Variants in SLC24A2 observed in about 807,000 individuals in gnomAD.
SLC24A2 encodes sodium/potassium/calcium exchanger 2.
SLC24A2 carries 36 observed loss-of-function variants against 62.0 expected under a neutral mutation model. That is an observed-to-expected ratio of 0.58 (90% confidence interval 0.44 to 0.77). The LOEUF is 0.77. SLC24A2 is among the 30% of genes least tolerant of loss of function. The probability of loss-of-function intolerance (pLI) is 0.00; values close to 1 mark genes in which losing one functional copy is unlikely to be tolerated. For synonymous variants in SLC24A2, 358 were observed against 294.0 expected (o/e 1.22, Z -2.23); for missense variants, 846 against 817.9 (o/e 1.03, Z -0.42).
chr9:19,668,935 T>C (rs879137418), intron 2 of SLC24A2, among the ~76,000 whole-genome samples: 1 of 152,204 alleles, frequency 6.6e-6, no homozygotes, highest in African/African-American at 2.4e-5. Flanking sequence ...TAGTACTGAA[T>C]GAATAAGTGA....
the SLC24A2 span, among the ~76,000 whole-genome samples, chr9:19,998,615 C>G: frequency 6.6e-6 from 1 of 152,238 alleles, no homozygotes; most frequent in Non-Finnish European, 1.5e-5. Context: ...ATGACCACCC[C>G]TCTTCTCCAT....
upstream of SLC24A2, among the ~76,000 whole-genome samples, chr9:19,793,071 G>A (rs1351541092): frequency 6.6e-6 from 1 of 152,202 alleles, no homozygotes; most frequent in Non-Finnish European, 1.5e-5. Flanking sequence ...CTAGCCCTGC[G>A]CTTGGCATTT....
At chr9:19,688,382 G>A (rs1160198384) in intron 2 of SLC24A2, among the ~76,000 whole-genome samples, 1 of 152,014 alleles carries the variant, frequency 6.6e-6, no homozygotes, top group African/African-American at 2.4e-5. Context: ...ACATGAAAAT[G>A]GTGCCGATAG....
chr9:19,639,330 G>C (rs1818435464), intron 2 of SLC24A2, among the ~76,000 whole-genome samples: 1 of 152,194 alleles, frequency 6.6e-6, no homozygotes, highest in South Asian at 2.1e-4. Context: ...TCTATCAGTA[G>C]GTAAAGTTTG....
At chr9:20,239,099 T>C in the SLC24A2 span, among the ~76,000 whole-genome samples, 893 of 152,336 alleles carry the variant, frequency 5.9e-3, 17 homozygotes, top group African/African-American at 0.02. Flanking sequence ...GTCTGTGGCA[T>C]TGTTACAACA....
intron 2 of SLC24A2, among the ~76,000 whole-genome samples, chr9:19,736,708 C>T (rs570747287): frequency 1.1e-3 from 166 of 152,116 alleles, no homozygotes; most frequent in African/African-American, 3.8e-3. Flanking sequence ...TAAAACTAGC[C>T]AAGTGTGGTC....
At chr9:20,280,303 T>C in the SLC24A2 span, among the ~76,000 whole-genome samples, 1 of 152,216 alleles carries the variant, frequency 6.6e-6, no homozygotes, top group African/African-American at 2.4e-5. Context: ...TACCATTTTT[T>C]TGTACCCCTT....
the SLC24A2 span, among the ~76,000 whole-genome samples, chr9:20,195,576 T>A: frequency 1.3e-5 from 2 of 152,288 alleles, no homozygotes; most frequent in East Asian, 1.9e-4. Context: ...ATATACTCAA[T>A]ACTAATCCTT....
At chr9:19,883,730 G>T in the SLC24A2 span, among the ~76,000 whole-genome samples, 11 of 152,000 alleles carry the variant, frequency 7.2e-5, no homozygotes, top group Admixed American at 2.0e-4. Context: ...CATGCCTGGC[G>T]AATTTTTTGT....
intron 7 of SLC24A2, among the ~76,000 whole-genome samples, chr9:19,567,102 G>T (rs904246253): frequency 7.0e-6 from 1 of 142,106 alleles, no homozygotes; most frequent in Non-Finnish European, 1.5e-5. Flanking sequence ...AGAACTTAAA[G>T]TATAATAAAA....
At chr9:20,083,074 A>G in the SLC24A2 span, among the ~76,000 whole-genome samples, 749 of 152,266 alleles carry the variant, frequency 4.9e-3, 3 homozygotes, top group African/African-American at 0.017. Flanking sequence ...ATCTCCTTGT[A>G]TGTCTCACTC....
the SLC24A2 span, among the ~76,000 whole-genome samples, chr9:19,860,619 G>A: frequency 1.3e-5 from 2 of 152,094 alleles, no homozygotes; most frequent in Non-Finnish European, 1.5e-5. Flanking sequence ...GCTACAGGGC[G>A]ATAGAGCACC....
At chr9:19,718,552 T>A (rs1350244808) in intron 2 of SLC24A2, among the ~76,000 whole-genome samples, 3 of 150,134 alleles carry the variant, frequency 2.0e-5, no homozygotes, top group Non-Finnish European at 4.4e-5. Context: ...CTCAAGCAAT[T>A]GGCCCGCCTT....
chr9:19,755,140 G>C (rs1033231471), intron 2 of SLC24A2, among the ~76,000 whole-genome samples: 2 of 152,168 alleles, frequency 1.3e-5, no homozygotes, highest in South Asian at 2.1e-4. Context: ...CCTCTAGCTT[G>C]ATTTGCAACC....
the SLC24A2 span, among the ~76,000 whole-genome samples, chr9:20,104,925 C>T: frequency 6.6e-6 from 1 of 152,202 alleles, no homozygotes; most frequent in South Asian, 2.1e-4. Context: ...GAGTCAAGAC[C>T]CACCAGTGTG....
chr9:19,642,785 A>G (rs528813507), intron 2 of SLC24A2, among the ~76,000 whole-genome samples: 1 of 136,842 alleles, frequency 7.3e-6, no homozygotes, highest in South Asian at 2.3e-4. Flanking sequence ...GGTTCAAGCC[A>G]TTCTTCTGCC....
the SLC24A2 span, among the ~76,000 whole-genome samples, chr9:20,283,752 G>A: frequency 1.2e-3 from 71 of 60,856 alleles, 2 homozygotes; most frequent in Middle Eastern, 0.016. Flanking sequence ...GAAAAAAAAA[G>A]GGGGGGGGGG....
the SLC24A2 span, among the ~76,000 whole-genome samples, chr9:20,162,674 C>A: frequency 1.4e-4 from 22 of 151,866 alleles, no homozygotes; most frequent in African/African-American, 4.8e-4. Context: ...AGAGACACAA[C>A]CAAAAAAGAG....
intron 2 of SLC24A2, among the ~76,000 whole-genome samples, chr9:19,707,803 G>T (rs1347817084): frequency 6.6e-6 from 1 of 152,120 alleles, no homozygotes; most frequent in East Asian, 1.9e-4. Context: ...ATATCATACT[G>T]AATGGGCAAA....
Sources: gnomAD v4.1 joint callset for allele counts (sites outside exome capture counted in the v4.1 genomes callset) on GRCh38, gnomAD v4.1.1 for gene constraint, MANE v1.5 for transcripts, NCBI Gene and HGNC (gene_info 2026-07-23, HGNC 2026-07-21) for gene names.